RENBP: variants seen among roughly 807,000 people sequenced by gnomAD.
The protein encoded by RENBP is renin binding protein.
RENBP carries 16 observed loss-of-function variants against 37.8 expected under a neutral mutation model. The ratio of observed to expected loss-of-function variants is 0.42; its 90% CI spans 0.29 to 0.64. The LOEUF (loss-of-function observed/expected upper bound fraction) is 0.64, where lower values mean the gene tolerates loss of function less well. Ranked by LOEUF, RENBP falls within the 30% of genes least tolerant of loss-of-function variation. The probability of loss-of-function intolerance (pLI) is 0.19; values close to 1 mark genes in which losing one functional copy is unlikely to be tolerated. For synonymous variants in RENBP, 170 were observed against 154.8 expected (o/e 1.10, Z -0.73); for missense variants, 347 against 379.5 (o/e 0.91, Z 0.71).
At chrX:153,936,610 C>T (rs1417866517) in intron 9 of RENBP, among the ~76,000 whole-genome samples, 3 of 111,072 alleles carry the variant, frequency 2.7e-5, no homozygotes, top group African/African-American at 9.8e-5. Context: ...AGCTCCCATT[C>T]CCGGCTTCAC....
intron 7 of RENBP, 63 bp downstream of exon 7, chrX:153,941,887 C>T: frequency 9.8e-7 from 1 of 1,017,262 alleles, no homozygotes; most frequent in Non-Finnish European, 1.4e-6. Flanking sequence ...TATCTGAAGC[C>T]CAGAACACAA....
chrX:153,941,417 C>A, intron 8 of RENBP, 61 bp downstream of exon 8: 9 of 1,151,596 alleles, frequency 7.8e-6, no homozygotes. Flanking sequence ...AAGCAACCAC[C>A]TCCCTGGGCA....
chrX:153,935,564 C>T lies in RENBP; in HGVS notation c.1090G>A (p.Glu364Lys). 1.7e-6 allele frequency: 2 copies of T among 1,209,437 alleles called. No homozygotes were observed. The highest frequency in any genetic ancestry group is 2.2e-6 in the Non-Finnish European group (2 of 893,891). Residue 364 changes from glutamate (E) to lysine (K), a missense_variant, in exon 10 of 11, where the codon GAG becomes AAG. Physicochemically the swap from Glu to Lys is moderately conservative, Grantham distance 56. Around this residue, in one of 3 missense-constraint regions of RENBP, gnomAD observed 91 missense variants for 67.7 expected, o/e 1.34. Transcript: ENST00000393700. The stretch of plus-strand genomic sequence containing the variant: ...AGGTAGCCAAACCATTCCCCGTACT[C>T]GGGATCGCGAAACTGGAATAACAGA... ...EYTFRQFRDP[E>K]YGEWFGYLSR...
At position 153,942,904 on chromosome X, in the gene RENBP, T is replaced by A; in HGVS notation, c.638A>T (p.Tyr213Phe). ...GEADEELAGKYAELGDWCARR... is the reference protein window; with the variant it reads ...GEADEELAGKFAELGDWCARR... ...GGCGCACCAGTCCCCCAGCTCTGCG[T>A]ATTTGCCCGCCAGCTCCTCATCTGC... Residue 213 changes from tyrosine (Y) to phenylalanine (F), a missense_variant, in exon 6 of 11, where the codon TAC (tyrosine) becomes TTC (phenylalanine). Around this residue, in one of 3 missense-constraint regions of RENBP, gnomAD observed 244 missense variants for 279.4 expected, o/e 0.87. Coordinates refer to ENST00000393700, the MANE Select transcript of RENBP (RefSeq NM_002910.6). 4.2e-6 allele frequency: 5 copies of A among 1,203,187 alleles called. No individual in the cohort carries two copies. The highest frequency in any genetic ancestry group is 5.6e-6 in the Non-Finnish European group (5 of 890,620).
intron 6 of RENBP, 94 bp downstream of exon 6, chrX:153,942,761 C>G: frequency 1.4e-6 from 1 of 734,367 alleles, no homozygotes; most frequent in Non-Finnish European, 2.1e-6. Context: ...ATCCCCGAAT[C>G]TCTGTCTCTC....
In RENBP at chrX:153,943,988, G is replaced by C. The variant is rs1192216505; in HGVS notation, c.214-18C>G. ...ATCCATACCTGCGGGGTACGGGAGGGAAAGTGGCTTAAGTGGCCGGCTGGG... is the reference window on the plus strand; with the variant it reads ...ATCCATACCTGCGGGGTACGGGAGGCAAAGTGGCTTAAGTGGCCGGCTGGG... On this transcript the variant is annotated intron_variant, in intron 3 of 10. Transcript: ENST00000393700. 8 of 1,205,503 alleles carry C rather than the reference G, an allele frequency of 6.6e-6. No individual in the cohort carries two copies. The highest frequency in any genetic ancestry group is 9.0e-6 in the Non-Finnish European group (8 of 892,179).
Position 153,940,040 on chromosome X carries a change from C to T in RENBP, c.1077+62G>A, listed in dbSNP as rs782491035. ...CTCAGCGAGGGGGCAAGAGCGCAGC[C>T]GGGCCAGACTCCCCCCATTCCCCCA... On this transcript the variant is annotated intron_variant, in intron 9 of 10. Coordinates refer to ENST00000393700, the MANE Select transcript of RENBP (RefSeq NM_002910.6). 9 of 1,178,364 alleles carry T rather than the reference C, an allele frequency of 7.6e-6. No individual in the cohort carries two copies. In the East Asian group the frequency reaches 9.0e-5, roughly 12 times the overall value.
chrX:153,940,278 C>T, intron 8 of RENBP, 45 bp from the exon 9 acceptor site: 2 of 1,201,305 alleles, frequency 1.7e-6, no homozygotes, highest in Non-Finnish European at 2.3e-6. Context: ...AAACTCCCCT[C>T]CGCAACTTTC....
rs371634111 is a variant in RENBP at position 153,935,408 on chromosome X, C to T, written c.1166-4G>A. ...CACCGCGGCACGTGGAAGCAGCCTG[C>T]GGGTAGAGGCGGGCAGGTAGTGAGG... is the stretch of plus-strand genomic sequence containing the variant. On this transcript the variant is annotated splice_region_variant and splice_polypyrimidine_tract_variant and intron_variant, in intron 10 of 10. Coordinates refer to ENST00000393700, the MANE Select transcript of RENBP (RefSeq NM_002910.6). 3,781 of 1,136,686 alleles carry T rather than the reference C, an allele frequency of 3.3e-3. 78 individuals are homozygous for T. In the South Asian group the frequency reaches 0.071, roughly 21 times the overall value. The allele number at this position is 1,136,686 out of a possible 1,213,427, so 93.7% of individuals were successfully genotyped here.
chrX:153,943,755 C>G, intron 4 of RENBP, 37 bp from the exon 5 acceptor site: 1 of 1,195,521 alleles, frequency 8.4e-7, no homozygotes. Flanking sequence ...GGGGTAAGGC[C>G]AGGACGCCCC....
chrX:153,937,757 T>G (rs923049919), intron 9 of RENBP, among the ~76,000 whole-genome samples: 2 of 110,947 alleles, frequency 1.8e-5, no homozygotes, highest in East Asian at 5.6e-4. Context: ...CACACCCGGC[T>G]AATTTTTTGT....
intron 7 of RENBP, 38 bp from the exon 8 acceptor site, chrX:153,941,691 G>C: frequency 4.4e-6 from 1 of 225,533 alleles, no homozygotes. Context: ...GGGGGGCGGG[G>C]GGTGGGGTTG....
rs782135790 is a variant in RENBP, at chrX:153,943,954, C to A, written c.230G>T (p.Arg77Leu). Residue 77 changes from arginine (R) to leucine (L), a missense_variant, in exon 4 of 11, where the codon CGC (arginine) becomes CTC (leucine). Arg to Leu is a moderately radical substitution (Grantham distance 102, BLOSUM62 -2). Around this residue, in one of 3 missense-constraint regions of RENBP, gnomAD observed 244 missense variants for 279.4 expected, o/e 0.87. Coordinates refer to ENST00000393700, the MANE Select transcript of RENBP (RefSeq NM_002910.6). ...LQGRQVWMYC[R>L]LYRTFERFRH... ...GAAGCGCTCGAAAGTGCGGTACAGGCGACAATACATCCATACCTGCGGGGT... is the reference window on the plus strand; with the variant it reads ...GAAGCGCTCGAAAGTGCGGTACAGGAGACAATACATCCATACCTGCGGGGT... The A allele has an allele frequency of 2.5e-6, 3 of 1,197,332 alleles. No homozygotes were observed. Among genetic ancestry groups the A allele is most frequent in the South Asian group, 3.6e-5 (2 of 55,486 alleles).
rs1040255139 is a variant in RENBP, at chrX:153,938,495, A to G, written c.1077+1607T>C. ...GTCGGAGTCGTGGCTTTAGAAACGC[A>G]TGATGAATCTTCATTCATTCACCAC... On this transcript the variant is annotated intron_variant, in intron 9 of 10. Transcript: ENST00000393700. 4.4e-5 allele frequency among the ~76,000 whole-genome samples: 5 copies of G among 112,374 alleles called. No individual in the cohort carries two copies. In the South Asian group the frequency reaches 1.5e-3, roughly 33 times the overall value.
chrX:153,943,145 C>G, intron 5 of RENBP, 66 bp from the exon 6 acceptor site: 1 of 861,874 alleles, frequency 1.2e-6, no homozygotes, highest in East Asian at 3.5e-5. Flanking sequence ...CCCCTGGACA[C>G]GGCCCTGGGG....
Position 153,941,498 on chromosome X carries a change from C to T in RENBP, c.925G>A (p.Asp309Asn), listed in dbSNP as rs1557109500. 2.5e-6 allele frequency: 3 copies of T among 1,211,179 alleles called. No homozygotes were observed. Among genetic ancestry groups the T allele is most frequent in the Non-Finnish European group, 1.1e-6 (1 of 895,354 alleles). Residue 309 changes from aspartate to asparagine, a missense_variant, in exon 8 of 11, where the codon GAT (aspartate) becomes AAT (asparagine). Transcript: ENST00000393700. The part of the protein sequence containing the change: ...HGGLFYFQDA[D>N]NFCPTQLEWA... Reference sequence around the variant, plus strand: ...CCCACCTGGGTGGGGCAGAAGTTATCAGCATCCTGGAAGTAAAAGAGGCCT... The same window carrying T: ...CCCACCTGGGTGGGGCAGAAGTTATTAGCATCCTGGAAGTAAAAGAGGCCT...
At position 153,935,504 on chromosome X, in the gene RENBP, C is replaced by T; in HGVS notation, c.1150G>A (p.Gly384Arg). 8.3e-7 allele frequency: 1 copy of T among 1,208,861 alleles called. No homozygotes were observed. The highest frequency in any genetic ancestry group is 1.1e-6 in the Non-Finnish European group (1 of 893,139). The change falls in exon 10 of 11, where the codon GGA (glycine) becomes AGA (arginine). Residue 384 changes from glycine to arginine, a missense_variant. Physicochemically the swap from Gly to Arg is moderately radical, Grantham distance 125. Around this residue, in one of 3 missense-constraint regions of RENBP, gnomAD observed 91 missense variants for 67.7 expected, o/e 1.34. Coordinates refer to ENST00000393700, the MANE Select transcript of RENBP (RefSeq NM_002910.6). ...REGKVALSIKGGPFKGCFHVP... is the reference protein window; with the variant it reads ...REGKVALSIKRGPFKGCFHVP... The stretch of plus-strand genomic sequence containing the variant: ...CCCCACTCACCTTTGAAAGGACCTC[C>T]CTTGATGGAGAGGGCCACCTTGCCC...
chrX:153,941,774 G>T, intron 7 of RENBP, 121 bp from the exon 8 acceptor site: 1 of 746,856 alleles, frequency 1.3e-6, no homozygotes, highest in Non-Finnish European at 2.0e-6. Context: ...GAGGCTCTGA[G>T]CTCCCTGGCC....
intron 6 of RENBP, 40 bp downstream of exon 6, chrX:153,942,815 G>T: frequency 9.1e-7 from 1 of 1,104,767 alleles, no homozygotes; most frequent in Non-Finnish European, 1.3e-6. Flanking sequence ...TGGGGGAGTG[G>T]AAGGCCTCCC....
Sources: allele counts gnomAD v4.1 joint callset (sites outside exome capture counted in the v4.1 genomes callset), GRCh38; gene constraint gnomAD v4.1.1; regional missense constraint gnomAD v4.1.1; transcripts MANE v1.5; gene names NCBI Gene and HGNC (gene_info 2026-07-23, HGNC 2026-07-21).